Variants in NEDD9 observed in about 807,000 individuals in gnomAD.
NEDD9 encodes enhancer of filamentation 1.
In NEDD9, 26 loss-of-function variants were observed where a neutral mutation model predicts 76.6. The observed-to-expected ratio is 0.34, with a 90% CI of 0.25 to 0.47. The LOEUF (loss-of-function observed/expected upper bound fraction) is 0.47. NEDD9 is among the 20% of genes least tolerant of loss of function. The pLI is 1.00. For missense variants in NEDD9, 937 were observed against 1,058.5 expected (o/e 0.89, Z 1.59); for synonymous variants, 392 against 414.2 (o/e 0.95, Z 0.65).
chr6:11,356,794 A>G (rs375457454), intron 1 of NEDD9, among the ~76,000 whole-genome samples: 1 of 130,848 alleles, frequency 7.6e-6, no homozygotes, highest in Non-Finnish European at 1.6e-5. Flanking sequence ...AAATGTGTGG[A>G]TAAATGTTTT....
intron 3 of NEDD9, chr6:11,258,984 C>G (rs1472660258): frequency 6.6e-6 from 1 of 152,340 alleles, no homozygotes; most frequent in Non-Finnish European, 1.5e-5. Flanking sequence ...GGGTATATGA[C>G]CAAGCCCTGG....
At chr6:11,210,766 GGAGAGAGA>G (rs147934321) in intron 2 of NEDD9, among the ~76,000 whole-genome samples, 2 of 121,854 alleles carry the variant, frequency 1.6e-5, no homozygotes, top group African/African-American at 3.3e-5. Flanking sequence ...AGGGATGGGG[GGAGAGAGA>G]GAGAGAGAGA....
At chr6:11,327,072 T>C (rs1401740281) in intron 2 of NEDD9, among the ~76,000 whole-genome samples, 1 of 152,150 alleles carries the variant, frequency 6.6e-6, no homozygotes, top group Non-Finnish European at 1.5e-5. Flanking sequence ...TTCCTACTGG[T>C]GATGATGCTG....
chr6:11,190,460 A>C lies in NEDD9; in HGVS notation c.1409T>G (p.Val470Gly). ...TTCCGGGAGGCAGGCAGCATTTGCA[A>C]CAGCTCCCTTGACAAAGTGGAGGTA... ...KEYLHFVKGA[V>G]ANAACLPELI... is the part of the protein sequence containing the mutation. The change falls in exon 5 of 7, where the codon GTT becomes GGT. Residue 470 changes from valine to glycine, a missense_variant. Physicochemically the swap from Val to Gly is moderately radical, Grantham distance 109. Coordinates refer to ENST00000379446, the MANE Select transcript of NEDD9 (RefSeq NM_006403.4). This position sits in a 1 kb window ranked among gnomAD's most constrained non-coding sequence, Gnocchi z 5.8. 1 of 1,614,158 alleles carries C rather than the reference A, an allele frequency of 6.2e-7. No homozygotes were observed. Among genetic ancestry groups the C allele is most frequent in the Non-Finnish European group, 8.5e-7 (1 of 1,180,014 alleles).
chr6:11,223,378 G>A (rs1759201561), intron 1 of NEDD9, among the ~76,000 whole-genome samples: 1 of 151,862 alleles, frequency 6.6e-6, no homozygotes, highest in Non-Finnish European at 1.5e-5. Context: ...TCAGGAAAAA[G>A]AGTCTCTATA....
At chr6:11,250,562 G>A (rs1441592212) in intron 3 of NEDD9, among the ~76,000 whole-genome samples, 1 of 152,132 alleles carries the variant, frequency 6.6e-6, no homozygotes, top group Admixed American at 6.5e-5. Context: ...GAGTTCTCTG[G>A]TGTCCCTTTG....
chr6:11,190,908 G>T lies in NEDD9; in HGVS notation c.961C>A (p.Arg321=). The T allele has an allele frequency of 6.2e-7, 1 of 1,614,062 alleles. No homozygotes were observed. The highest frequency in any genetic ancestry group is 8.5e-7 in the Non-Finnish European group (1 of 1,180,014). ...GSQNDAYDVP[R]GVQFLEPPAE... Reference sequence around the variant, plus strand: ...GGTGGCTCAAGAAACTGAACGCCTCGGGGGACATCATATGCGTCGTTCTGA... The same window carrying T: ...GGTGGCTCAAGAAACTGAACGCCTCTGGGGACATCATATGCGTCGTTCTGA... The change falls in exon 5 of 7, where the codon CGA becomes AGA. Residue 321 remains arginine, a synonymous_variant. Coordinates refer to ENST00000379446, the MANE Select transcript of NEDD9 (RefSeq NM_006403.4). The surrounding 1 kb of genome is among the most constrained non-coding windows in gnomAD (Gnocchi z 5.8).
intron 2 of NEDD9, among the ~76,000 whole-genome samples, chr6:11,313,408 GATAGATGA>G (rs1761438054): frequency 7.2e-6 from 1 of 138,056 alleles, no homozygotes; most frequent in Non-Finnish European, 1.6e-5. Context: ...TGGATGGATG[GATAGATGA>G]ATAGATGGAT....
chr6:11,192,051 A>G (rs1252715693), intron 4 of NEDD9, among the ~76,000 whole-genome samples: 1 of 152,192 alleles, frequency 6.6e-6, no homozygotes, highest in Admixed American at 6.5e-5. Flanking sequence ...AATATATATT[A>G]GTACTTGCCA....
At chr6:11,203,499 T>G (rs1208363123) in intron 2 of NEDD9, among the ~76,000 whole-genome samples, 5 of 152,136 alleles carry the variant, frequency 3.3e-5, no homozygotes, top group African/African-American at 1.2e-4. Context: ...CAGGTTTAGT[T>G]GGAAGAAGGG....
chr6:11,249,200 C>T (rs1759865763), intron 3 of NEDD9: 1 of 455,774 alleles, frequency 2.2e-6, no homozygotes, highest in Non-Finnish European at 4.4e-6. Context: ...GGGCCTCATC[C>T]AATCAGTTGA....
At chr6:11,188,730 A>G (rs1581941121) in intron 5 of NEDD9, among the ~76,000 whole-genome samples, 2 of 152,192 alleles carry the variant, frequency 1.3e-5, no homozygotes, top group Admixed American at 6.5e-5. Context: ...GGGTCAGACA[A>G]CCAGTAAGAT....
chr6:11,321,020 C>T (rs1761785644), intron 2 of NEDD9, among the ~76,000 whole-genome samples: 1 of 150,164 alleles, frequency 6.7e-6, no homozygotes, highest in Non-Finnish European at 1.5e-5. Flanking sequence ...AAAAAAAAAA[C>T]CTGTTGAAGC....
upstream of NEDD9, among the ~76,000 whole-genome samples, chr6:11,235,721 A>T (rs1269463827): frequency 6.6e-6 from 1 of 152,186 alleles, no homozygotes; most frequent in Non-Finnish European, 1.5e-5. This position sits in a 1 kb window ranked among gnomAD's most constrained non-coding sequence, Gnocchi z 4.1. Context: ...CTAGGGGATG[A>T]GCATTCCGGA....
intron 1 of NEDD9, among the ~76,000 whole-genome samples, chr6:11,380,964 G>A (rs1274143415): frequency 3.3e-5 from 5 of 152,064 alleles, no homozygotes; most frequent in African/African-American, 1.2e-4. Context: ...ATACACCACC[G>A]TGCCCAGCTA....
intron 3 of NEDD9, among the ~76,000 whole-genome samples, chr6:11,282,213 G>A (rs1284233692): frequency 1.3e-5 from 2 of 152,128 alleles, no homozygotes; most frequent in African/African-American, 2.4e-5. Flanking sequence ...GATTAAAAAC[G>A]CCATCTGAAC....
intron 3 of NEDD9, among the ~76,000 whole-genome samples, chr6:11,303,613 T>C (rs545966723): frequency 1.3e-5 from 2 of 152,140 alleles, no homozygotes; most frequent in East Asian, 3.9e-4. Flanking sequence ...AAAACAGATA[T>C]ATAGATCAAT....
intron 1 of NEDD9, among the ~76,000 whole-genome samples, chr6:11,342,858 A>G (rs1012808141): frequency 3.3e-5 from 5 of 152,238 alleles, no homozygotes; most frequent in African/African-American, 1.2e-4. Flanking sequence ...GCCACATTCA[A>G]AAGACTTAAC....
intron 1 of NEDD9, among the ~76,000 whole-genome samples, chr6:11,232,245 C>T (rs1581973844): frequency 6.6e-6 from 1 of 152,212 alleles, no homozygotes; most frequent in East Asian, 1.9e-4. Context: ...GGCTCCAAGT[C>T]TTAACTTCTC....
Sources: allele counts gnomAD v4.1 joint callset (sites outside exome capture counted in the v4.1 genomes callset), GRCh38; gene constraint gnomAD v4.1.1; non-coding constraint Gnocchi (gnomAD v3.1); transcripts MANE v1.5; gene names NCBI Gene and HGNC (gene_info 2026-07-23, HGNC 2026-07-21).